Variants in RNASE10 observed in about 807,000 individuals in gnomAD.
RNASE10 encodes the protein ribonuclease A family member 10 (inactive).
Under a neutral mutation model 1.1 loss-of-function variants are expected in RNASE10, and 2 were observed. The ratio of observed to expected loss-of-function variants is 1.82; its 90% CI spans 0.74 to 5.73. The LOEUF is 5.73. Ranked by LOEUF, RNASE10 falls within the 30% of genes most tolerant of loss-of-function variation. The pLI, the probability that RNASE10 is intolerant of heterozygous loss-of-function variation, is 0.05. For synonymous variants in RNASE10, 97 were observed against 96.2 expected, an observed-to-expected ratio of 1.01 and a Z score of -0.05; for missense variants, 276 against 263.4, an observed-to-expected ratio of 1.05 and a Z score of -0.33.
chr14:20,508,947 CA>C (rs1309360969), intron 1 of RNASE10, among the ~76,000 whole-genome samples: 4 of 152,048 alleles, frequency 2.6e-5, no homozygotes, highest in Admixed American at 6.5e-5. Context: ...ATACTTTTAT[CA>C]ATTGCCTCAA....
intron 1 of RNASE10, among the ~76,000 whole-genome samples, 163 bp downstream of exon 1, chr14:20,506,182 T>TGG (rs533565506): frequency 0.012 from 1,028 of 85,690 alleles, 1 homozygote; most frequent in African/African-American, 0.044. Flanking sequence ...GGGAGGGAGG[T>TGG]GGGGGGGGGT....
At chr14:20,511,237 G>A (rs1882894012), downstream of RNASE10, 1 of 843,676 alleles carries the variant, frequency 1.2e-6, no homozygotes, top group East Asian at 3.0e-5. Flanking sequence ...ATTCTTCCTT[G>A]CCCTATGGGT....
intron 1 of RNASE10, among the ~76,000 whole-genome samples, 167 bp downstream of exon 1, chr14:20,506,186 G>GC (rs1555335564): frequency 1.4e-4 from 20 of 139,940 alleles, no homozygotes; most frequent in African/African-American, 3.7e-4. Flanking sequence ...GGGAGGTGGG[G>GC]GGGGGTCAGC....
downstream of RNASE10, among the ~76,000 whole-genome samples, chr14:20,513,204 T>C (rs1882937861): frequency 7.1e-6 from 1 of 139,892 alleles, no homozygotes; most frequent in Non-Finnish European, 1.5e-5. Context: ...CATGTTTTTC[T>C]TTTGTTTTGT....
chr14:20,510,738 T>C, exon 2 of RNASE10: 1 of 1,614,146 alleles, frequency 6.2e-7, no homozygotes, highest in Non-Finnish European at 8.5e-7. Flanking sequence ...TCGGTGAAGA[T>C]GAGGTTGGGG....
chr14:20,511,048 C>G (rs1281000695), exon 2 of RNASE10: 12 of 1,535,638 alleles, frequency 7.8e-6, no homozygotes, highest in Non-Finnish European at 9.6e-6. Context: ...CTGCAATTAC[C>G]TAACTTCTGT....
upstream of RNASE10, among the ~76,000 whole-genome samples, chr14:20,505,143 G>A (rs1437372917): frequency 2.0e-5 from 3 of 151,520 alleles, no homozygotes; most frequent in African/African-American, 4.9e-5. Flanking sequence ...CAAAGAAAGA[G>A]CTCCAGTGCC....
chr14:20,505,260 TGC>T, upstream of RNASE10, among the ~76,000 whole-genome samples: 1 of 75,638 alleles, frequency 1.3e-5, no homozygotes, highest in Non-Finnish European at 2.5e-5. Flanking sequence ...AAAGTGAGTT[TGC>T]TCCCTCTCCC....
At chr14:20,513,104 C>A (rs555344084), downstream of RNASE10, among the ~76,000 whole-genome samples, 2 of 152,256 alleles carry the variant, frequency 1.3e-5, no homozygotes, top group Non-Finnish European at 2.9e-5. Flanking sequence ...CTTCAGCTTC[C>A]GTCCAGCTTC....
At chr14:20,506,879 G>A (rs1192780603) in intron 1 of RNASE10, among the ~76,000 whole-genome samples, 3 of 128,116 alleles carry the variant, frequency 2.3e-5, no homozygotes, top group East Asian at 2.4e-4. Context: ...CTGCCCGGCC[G>A]CCCCTACTGG....
intron 1 of RNASE10, among the ~76,000 whole-genome samples, chr14:20,506,935 G>GA (rs1394755852): frequency 7.2e-6 from 1 of 139,736 alleles, no homozygotes; most frequent in African/African-American, 2.9e-5. Flanking sequence ...GTCCGGGAGG[G>GA]GGGAGGGGGG....
rs145328672 is a variant in RNASE10, at chr14:20,510,652, G to C, written c.265G>C (p.Gly89Arg). ...AGCTGAGGCCACTGAGGAGGGAGAC[G>C]GCACCCAAACCACAGAAACGCTGGT... is the stretch of plus-strand genomic sequence containing the variant. The change falls in exon 2 of 2, where the codon GGC becomes CGC. Residue 89 changes from glycine (G) to arginine (R), a missense_variant. Coordinates refer to ENST00000430083, the Ensembl canonical transcript of RNASE10. 1.9e-6 allele frequency: 3 copies of C among 1,614,140 alleles called. No homozygotes were observed. The South Asian group carries it at 3.3e-5, about 18-fold the overall frequency.
At chr14:20,504,685 C>G (rs1355581567), upstream of RNASE10, among the ~76,000 whole-genome samples, 2 of 31,750 alleles carry the variant, frequency 6.3e-5, no homozygotes, top group African/African-American at 2.9e-4. Flanking sequence ...GAGACTCCGT[C>G]TCAAAAAAAA....
At chr14:20,510,629 C>G in exon 2 of RNASE10, 1 of 1,614,200 alleles carries the variant, frequency 6.2e-7, no homozygotes, top group Non-Finnish European at 8.5e-7. Flanking sequence ...CAGGACAAAG[C>G]TGAGGCCACT....
upstream of RNASE10, among the ~76,000 whole-genome samples, chr14:20,504,415 A>C (rs1308399198): frequency 6.6e-6 from 1 of 152,180 alleles, no homozygotes; most frequent in Non-Finnish European, 1.5e-5. Flanking sequence ...TTTTAAAATA[A>C]ATAATTTTTT....
chr14:20,507,967 C>G (rs1039614472), intron 1 of RNASE10, among the ~76,000 whole-genome samples: 5 of 152,084 alleles, frequency 3.3e-5, no homozygotes, highest in African/African-American at 1.2e-4. Context: ...CCAGGCTGGT[C>G]TCAAACTCCG....
At chr14:20,504,484 G>A (rs1415729182), upstream of RNASE10, among the ~76,000 whole-genome samples, 2 of 151,762 alleles carry the variant, frequency 1.3e-5, no homozygotes, top group African/African-American at 4.8e-5. Context: ...TCGGGAGATC[G>A]AGACCATTCT....
At chr14:20,508,453 C>T (rs1318177636) in intron 1 of RNASE10, among the ~76,000 whole-genome samples, 1 of 152,184 alleles carries the variant, frequency 6.6e-6, no homozygotes, top group Non-Finnish European at 1.5e-5. Flanking sequence ...CCAGCGTGTC[C>T]ATGTTGTAGA....
upstream of RNASE10, among the ~76,000 whole-genome samples, chr14:20,504,643 G>C (rs1300156795): frequency 7.3e-6 from 1 of 137,218 alleles, no homozygotes; most frequent in African/African-American, 2.8e-5. Flanking sequence ...AGCCGAGATC[G>C]CGCCACCGCA....
Sources: gnomAD v4.1 joint callset for allele counts (sites outside exome capture counted in the v4.1 genomes callset) on GRCh38, gnomAD v4.1.1 for gene constraint, MANE v1.5 for transcripts, NCBI Gene and HGNC (gene_info 2026-07-23, HGNC 2026-07-21) for gene names.